SHC3: variants seen among roughly 807,000 people sequenced by gnomAD.
SHC3 encodes SHC-transforming protein 3.
A neutral mutation model predicts 60.4 loss-of-function variants in SHC3; 15 were observed. The observed-to-expected ratio is 0.25, with a 90% CI of 0.17 to 0.38. SHC3 has a LOEUF of 0.38. Among genes scored for constraint, SHC3 ranks in the 10% least tolerant of loss-of-function variants. The probability of loss-of-function intolerance (pLI) is 1.00; values close to 1 mark genes in which losing one functional copy is unlikely to be tolerated. For missense variants in SHC3, 677 were observed against 786.1 expected (o/e 0.86, Z 1.66); for synonymous variants, 294 against 325.9 (o/e 0.90, Z 1.05).
chr9:89,082,452 C>T (rs535897243), intron 2 of SHC3, among the ~76,000 whole-genome samples: 1 of 152,292 alleles, frequency 6.6e-6, no homozygotes, highest in African/African-American at 2.4e-5. Flanking sequence ...TGCATGCTTC[C>T]CTGTGTGAGT....
intron 1 of SHC3, among the ~76,000 whole-genome samples, chr9:89,171,345 T>A (rs997660168): frequency 6.6e-6 from 1 of 152,342 alleles, no homozygotes; most frequent in East Asian, 1.9e-4. Context: ...CAAACAATTA[T>A]ATTTAATGGA....
chr9:89,167,597 A>C (rs764937724), intron 1 of SHC3, among the ~76,000 whole-genome samples: 3 of 152,204 alleles, frequency 2.0e-5, no homozygotes, highest in African/African-American at 7.2e-5. Context: ...TCTCAGCCCA[A>C]CTTCCCAAAA....
chr9:89,016,746 C>A (rs529469368), intron 11 of SHC3, among the ~76,000 whole-genome samples: 2 of 152,136 alleles, frequency 1.3e-5, no homozygotes, highest in Non-Finnish European at 2.9e-5. Flanking sequence ...CTCTTATGAA[C>A]ATAGATGCAA....
chr9:89,028,660 A>ATTC (rs1824414322), intron 11 of SHC3, among the ~76,000 whole-genome samples: 1 of 146,650 alleles, frequency 6.8e-6, no homozygotes, highest in Non-Finnish European at 1.5e-5. Flanking sequence ...GAATATATAT[A>ATTC]GATATAGCTA....
intron 6 of SHC3, among the ~76,000 whole-genome samples, chr9:89,062,900 G>C (rs1025924090): frequency 6.6e-6 from 1 of 152,214 alleles, no homozygotes; most frequent in Non-Finnish European, 1.5e-5. Flanking sequence ...CCTTCATGGA[G>C]GAAGTCATCC....
At chr9:89,161,783 G>C (rs2118243336) in intron 1 of SHC3, among the ~76,000 whole-genome samples, 1 of 147,662 alleles carries the variant, frequency 6.8e-6, no homozygotes, top group Admixed American at 6.8e-5. Context: ...ATTCAATTAG[G>C]AAAAGAGGAA....
intron 1 of SHC3, among the ~76,000 whole-genome samples, chr9:89,144,095 A>T (rs1368500954): frequency 6.6e-6 from 1 of 152,212 alleles, no homozygotes; most frequent in Non-Finnish European, 1.5e-5. Flanking sequence ...TTGAAGTTCC[A>T]TGAACCTGAG....
intron 1 of SHC3, among the ~76,000 whole-genome samples, chr9:89,154,964 C>T (rs1178965023): frequency 1.3e-5 from 2 of 152,250 alleles, no homozygotes; most frequent in Non-Finnish European, 2.9e-5. Flanking sequence ...ACTAAGCAGC[C>T]ATCTTCATTC....
intron 1 of SHC3, among the ~76,000 whole-genome samples, chr9:89,133,154 G>GA (rs1826271833): frequency 1.3e-5 from 2 of 152,164 alleles, no homozygotes. Context: ...ACAGACACAT[G>GA]AAAAAATGCT....
At chr9:89,014,120 A>T (rs1826055914) in intron 11 of SHC3, among the ~76,000 whole-genome samples, 1 of 152,192 alleles carries the variant, frequency 6.6e-6, no homozygotes, top group Non-Finnish European at 1.5e-5. Flanking sequence ...AGTTCCCCAG[A>T]GGAGCTCCTG....
Position 89,052,136 on chromosome 9 carries a change from C to G in SHC3, c.863G>C (p.Gly288Ala), listed in dbSNP as rs1564102590. The change falls in exon 7 of 12, where the codon GGG becomes GCG. Residue 288 changes from glycine to alanine, a missense_variant. Physicochemically the swap from Gly to Ala is moderately conservative, Grantham distance 60 (BLOSUM62 0). Transcript: ENST00000375835. ...GGAGCCGATGACATCCTGGGCCAGC[C>G]CATCACAGCATTCCAAAATGTGACA... ...RACHILECCD[G>A]LAQDVIGSIG... 6.2e-7 allele frequency: 1 copy of G among 1,614,044 alleles called. No individual in the cohort carries two copies. Among genetic ancestry groups the G allele is most frequent in the Admixed American group, 1.7e-5 (1 of 60,022 alleles).
At chr9:89,125,086 G>T (rs905575481) in intron 1 of SHC3, among the ~76,000 whole-genome samples, 1 of 152,020 alleles carries the variant, frequency 6.6e-6, no homozygotes, top group Non-Finnish European at 1.5e-5. Flanking sequence ...TTCAAGGAAG[G>T]GTACCATGGA....
chr9:89,063,634 T>C (rs1825128032), intron 6 of SHC3, among the ~76,000 whole-genome samples: 1 of 152,078 alleles, frequency 6.6e-6, no homozygotes, highest in African/African-American at 2.4e-5. Context: ...AGGTCCCAGG[T>C]GTGGAAGCAA....
intron 2 of SHC3, among the ~76,000 whole-genome samples, chr9:89,110,682 G>A (rs1331187): frequency 0.92 from 139,716 of 152,302 alleles, 64,145 homozygotes; most frequent in East Asian, 0.98. Flanking sequence ...TCATGGAGAC[G>A]AGCAAATTTA....
At chr9:89,129,388 A>G (rs1826209916) in intron 1 of SHC3, among the ~76,000 whole-genome samples, 2 of 152,196 alleles carry the variant, frequency 1.3e-5, no homozygotes, top group Non-Finnish European at 2.9e-5. Flanking sequence ...CAACATTCAA[A>G]TTCAGGAAAT....
intron 2 of SHC3, among the ~76,000 whole-genome samples, chr9:89,096,428 A>C (rs1358703737): frequency 6.6e-6 from 1 of 152,206 alleles, no homozygotes; most frequent in African/African-American, 2.4e-5. Context: ...GGAGGGGTAG[A>C]CAGTGATAAT....
At chr9:89,156,477 C>T (rs1826624951) in intron 1 of SHC3, among the ~76,000 whole-genome samples, 1 of 152,034 alleles carries the variant, frequency 6.6e-6, no homozygotes, top group African/African-American at 2.4e-5. Flanking sequence ...CCCCCAAAGA[C>T]ATAATTTTTT....
At chr9:89,160,421 A>AT (rs1027599760) in intron 1 of SHC3, among the ~76,000 whole-genome samples, 1 of 151,868 alleles carries the variant, frequency 6.6e-6, no homozygotes, top group Admixed American at 6.6e-5. Context: ...TAGAACATAG[A>AT]TTTTTTTTCC....
chr9:89,077,746 G>T, intron 3 of SHC3, 94 bp downstream of exon 3: 1 of 1,432,254 alleles, frequency 7.0e-7, no homozygotes, highest in Non-Finnish European at 9.8e-7. Flanking sequence ...ACAGAAAGAG[G>T]ACAATGAATA....
Sources: allele counts gnomAD v4.1 joint callset (sites outside exome capture counted in the v4.1 genomes callset), GRCh38; gene constraint gnomAD v4.1.1; transcripts MANE v1.5; gene names NCBI Gene and HGNC (gene_info 2026-07-23, HGNC 2026-07-21).